DIAPH1: variants seen among roughly 807,000 people sequenced by gnomAD.
DIAPH1 encodes diaphanous related formin 1.
A neutral mutation model predicts 140.7 loss-of-function variants in DIAPH1; 46 were observed. The ratio of observed to expected loss-of-function variants is 0.33; its 90% CI spans 0.26 to 0.42. The LOEUF (loss-of-function observed/expected upper bound fraction) is 0.42, where lower values mean the gene tolerates loss of function less well. DIAPH1 is among the 10% of genes least tolerant of loss of function. The probability of loss-of-function intolerance (pLI) is 1.00; values close to 1 mark genes in which losing one functional copy is unlikely to be tolerated. For missense variants in DIAPH1, 1,310 were observed against 1,558.7 expected, an observed-to-expected ratio of 0.84 and a Z score of 2.69; for synonymous variants, 565 against 551.6, an observed-to-expected ratio of 1.02 and a Z score of -0.34.
intron 18 of DIAPH1, among the ~76,000 whole-genome samples, chr5:141,544,976 GC>G (rs1163077969): frequency 1.3e-5 from 2 of 152,106 alleles, no homozygotes. Context: ...ATTCATAATT[GC>G]CAAAAACTGG....
intron 18 of DIAPH1, among the ~76,000 whole-genome samples, chr5:141,538,018 G>C (rs567584227): frequency 1.3e-5 from 2 of 151,032 alleles, no homozygotes; most frequent in South Asian, 4.2e-4. Flanking sequence ...CAGCTTCCCA[G>C]GTAGCTGAGA....
At chr5:141,599,723 G>C (rs944632535) in intron 1 of DIAPH1, among the ~76,000 whole-genome samples, 1 of 152,192 alleles carries the variant, frequency 6.6e-6, no homozygotes, top group African/African-American at 2.4e-5. Context: ...CTAATTTAGT[G>C]TGAGGAACAT....
chr5:141,530,758 GT>G (rs1351200657), intron 19 of DIAPH1, among the ~76,000 whole-genome samples: 1 of 152,104 alleles, frequency 6.6e-6, no homozygotes, highest in Non-Finnish European at 1.5e-5. Flanking sequence ...AGGGCTCTTG[GT>G]TAGAGCCAGA....
intron 1 of DIAPH1, among the ~76,000 whole-genome samples, chr5:141,609,446 TA>T (rs1180931566): frequency 6.6e-6 from 1 of 152,240 alleles, no homozygotes; most frequent in East Asian, 1.9e-4. Flanking sequence ...TTGAATCAGC[TA>T]GGCCTAGGTT....
chr5:141,520,737 G>C (rs1395324398), intron 27 of DIAPH1, among the ~76,000 whole-genome samples: 1 of 152,102 alleles, frequency 6.6e-6, no homozygotes, highest in African/African-American at 2.4e-5. Flanking sequence ...GACTCTCCTT[G>C]CTGGAAGGTA....
chr5:141,516,978 G>A lies in DIAPH1; in HGVS notation c.3692C>T (p.Ser1231Phe), dbSNP rs749920378. The change falls in exon 28 of 28, where the codon TCT becomes TTT. Residue 1231 changes from serine to phenylalanine, a missense_variant. This residue lies in a region of DIAPH1 where 344 missense variants were observed against 512.2 expected (regional missense o/e 0.67). Coordinates refer to ENST00000389054, the MANE Select transcript of DIAPH1 (RefSeq NM_005219.5). ...CTTGGTCAGCTCCGAAGCTAGCAGA[G>A]ATGTGACTGCACACCCGGCCTTCCT... ...ANRKAGCAVTSLLASELTKDD... is the reference protein window; with the variant it reads ...ANRKAGCAVTFLLASELTKDD... 1.2e-6 allele frequency: 2 copies of A among 1,614,234 alleles called. No homozygotes were observed. Among genetic ancestry groups the A allele is most frequent in the Non-Finnish European group, 1.7e-6 (2 of 1,180,040 alleles).
At position 141,528,473 on chromosome 5, in the gene DIAPH1, T is replaced by C. The variant is rs756215904; in HGVS notation, c.3128A>G (p.His1043Arg). The change falls in exon 23 of 28, where the codon CAT becomes CGT. Residue 1043 changes from histidine to arginine, a missense_variant. His to Arg is a conservative substitution (Grantham distance 29). Around this residue, in one of 3 missense-constraint regions of DIAPH1, gnomAD observed 344 missense variants for 512.2 expected, o/e 0.67. Transcript: ENST00000389054. The stretch of plus-strand genomic sequence containing the variant: ...CCCACCTCGGCTGGCTTTCTCCACA[T>C]GGGCAAGCTCGTCTGGAAACTTGAG... ...DVLKFPDELA[H>R]VEKASRVSAE... 13 of 1,614,108 alleles carry C rather than the reference T, an allele frequency of 8.1e-6. No individual in the cohort carries two copies. Among genetic ancestry groups the C allele is most frequent in the Non-Finnish European group, 1.1e-5 (13 of 1,180,050 alleles).
intron 21 of DIAPH1, 43 bp from the exon 22 acceptor site, chr5:141,528,984 G>A: frequency 6.2e-7 from 1 of 1,613,524 alleles, no homozygotes; most frequent in Non-Finnish European, 8.5e-7. Context: ...CAAAAGAGGG[G>A]GAAGTCAGAA....
Position 141,524,386 on chromosome 5 carries a change from A to G in DIAPH1, c.3575-157T>C, listed in dbSNP as rs888094480. 73 of 717,648 alleles carry G rather than the reference A, an allele frequency of 1.0e-4. No homozygotes were observed. In the African/African-American group the frequency reaches 1.2e-3, roughly 11 times the overall value. 44.5% of individuals were successfully genotyped at this position (717,648 alleles called of 1,614,324 possible). ...CAAAGAGAGCTCAGCCTTAAGTCTC[A>G]CACGCTCATGTTTACTTGTATCTGC... is the stretch of plus-strand genomic sequence containing the variant. On this transcript the variant is annotated intron_variant, in intron 26 of 27. Transcript: ENST00000389054.
intron 1 of DIAPH1, among the ~76,000 whole-genome samples, chr5:141,595,697 G>C (rs2099899207): frequency 6.6e-6 from 1 of 152,150 alleles, no homozygotes; most frequent in Admixed American, 6.5e-5. Context: ...GGCCTTCCCA[G>C]CAATGCAGAA....
At chr5:141,587,487 A>C in intron 2 of DIAPH1, 1 of 434,554 alleles carries the variant, frequency 2.3e-6, no homozygotes, top group South Asian at 2.2e-5. Flanking sequence ...GCCATTTCTA[A>C]GCCTTGTAGT....
At position 141,576,268 on chromosome 5, in the gene DIAPH1, C is replaced by T. The variant is rs193036129; in HGVS notation, c.1423G>A (p.Glu475Lys). 1,415 of 1,614,028 alleles carry T rather than the reference C, an allele frequency of 8.8e-4. 3 individuals are homozygous for T. Among genetic ancestry groups the T allele is most frequent in the Non-Finnish European group, 7.2e-4 (855 of 1,179,870 alleles). Reference sequence around the variant, plus strand: ...TCTGCAGCTTTGGCTTCAGATTTCTCCACCTTTGTCTTATCAATCATTTGA... The same window carrying T: ...TCTGCAGCTTTGGCTTCAGATTTCTTCACCTTTGTCTTATCAATCATTTGA... ...IDQMIDKTKV[E>K]KSEAKAAELE... The change falls in exon 14 of 28, where the codon GAG (glutamate) becomes AAG (lysine). Residue 475 changes from glutamate to lysine, a missense_variant. This residue lies in a region of DIAPH1 where 589 missense variants were observed against 549.3 expected (regional missense o/e 1.07). Transcript: ENST00000389054.
intron 18 of DIAPH1, among the ~76,000 whole-genome samples, chr5:141,556,589 A>C (rs1226739246): frequency 6.6e-6 from 1 of 152,230 alleles, no homozygotes; most frequent in African/African-American, 2.4e-5. Flanking sequence ...GGTCACCAAT[A>C]GCCTCTGTGG....
At chr5:141,611,579 A>C (rs77737136) in intron 1 of DIAPH1, among the ~76,000 whole-genome samples, 1,666 of 152,318 alleles carry the variant, frequency 0.011, 41 homozygotes, top group African/African-American at 0.038. Context: ...AAAGACAGAC[A>C]AAAGAAAGTC....
intron 1 of DIAPH1, among the ~76,000 whole-genome samples, chr5:141,603,546 G>A (rs1429270284): frequency 6.6e-6 from 1 of 152,152 alleles, no homozygotes; most frequent in Non-Finnish European, 1.5e-5. Flanking sequence ...ATTCTAGGCA[G>A]TGGCCAGTGT....
chr5:141,560,041 A>T (rs1029012392), intron 18 of DIAPH1, among the ~76,000 whole-genome samples: 1 of 152,206 alleles, frequency 6.6e-6, no homozygotes, highest in Non-Finnish European at 1.5e-5. Flanking sequence ...CATCTCTAAA[A>T]GATGATGACT....
intron 18 of DIAPH1, among the ~76,000 whole-genome samples, chr5:141,539,347 T>C (rs990881786): frequency 5.9e-5 from 9 of 152,066 alleles, no homozygotes; most frequent in Non-Finnish European, 1.0e-4. Context: ...TTAATTGTAT[T>C]AATTCTTCAT....
intron 24 of DIAPH1, among the ~76,000 whole-genome samples, chr5:141,527,103 G>A (rs1293910071): frequency 2.6e-5 from 4 of 152,142 alleles, no homozygotes; most frequent in South Asian, 2.1e-4. Flanking sequence ...ATGTGTGAGC[G>A]TGTGTAGTGG....
chr5:141,577,293 A>G (rs1596382742), intron 12 of DIAPH1, among the ~76,000 whole-genome samples, 182 bp downstream of exon 12: 2 of 152,232 alleles, frequency 1.3e-5, no homozygotes, highest in African/African-American at 4.8e-5. Context: ...CCTCTGCCAT[A>G]GGGATGCCTT....
Sources: allele counts gnomAD v4.1 joint callset (sites outside exome capture counted in the v4.1 genomes callset), GRCh38; gene constraint gnomAD v4.1.1; regional missense constraint gnomAD v4.1.1; transcripts MANE v1.5; gene names NCBI Gene and HGNC (gene_info 2026-07-23, HGNC 2026-07-21).